Variants in ANKRD11 observed in about 807,000 individuals in gnomAD.
ANKRD11 encodes the protein ankyrin repeat domain 11.
ANKRD11 carries 17 observed loss-of-function variants against 195.7 expected under a neutral mutation model. The observed-to-expected ratio is 0.09, with a 90% CI of 0.06 to 0.13. ANKRD11 has a LOEUF of 0.13. ANKRD11 is among the 10% of genes least tolerant of loss of function. The pLI is 1.00. For missense variants in ANKRD11, 3,735 were observed against 3,566.1 expected, an observed-to-expected ratio of 1.05 and a Z score of -1.21; for synonymous variants, 1,953 against 1,528.1, an observed-to-expected ratio of 1.28 and a Z score of -6.49.
chr16:89,479,799 C>T (rs1250230820), intron 1 of ANKRD11, among the ~76,000 whole-genome samples: 5 of 151,242 alleles, frequency 3.3e-5, no homozygotes, highest in Non-Finnish European at 7.4e-5. Flanking sequence ...AAAAATTAGC[C>T]GGGGGTGGTG....
intron 6 of ANKRD11, 54 bp from the exon 7 acceptor site, chr16:89,288,724 G>A (rs1282677015): frequency 6.2e-7 from 1 of 1,612,884 alleles, no homozygotes; most frequent in South Asian, 1.1e-5. Context: ...CTTCCCTCCT[G>A]TCTCTGGAGG....
At chr16:89,472,902 A>C (rs1294865911) in intron 1 of ANKRD11, among the ~76,000 whole-genome samples, 2 of 152,336 alleles carry the variant, frequency 1.3e-5, no homozygotes, top group East Asian at 1.9e-4. Flanking sequence ...CAAGAGGCTC[A>C]CTGGGGGCCA....
intron 2 of ANKRD11, chr16:89,340,082 T>C (rs1341054077): frequency 1.3e-5 from 2 of 152,356 alleles, no homozygotes; most frequent in East Asian, 1.9e-4. Context: ...TTCCAACTTT[T>C]TGCGAATACA....
At chr16:89,438,094 G>T (rs190575195) in intron 1 of ANKRD11, among the ~76,000 whole-genome samples, 1 of 152,186 alleles carries the variant, frequency 6.6e-6, no homozygotes, top group Non-Finnish European at 1.5e-5. Flanking sequence ...GGAGGGCACC[G>T]CAAGCTTGGA....
Position 89,268,420 on chromosome 16 carries a change from G to T in ANKRD11, c.*58C>A, listed in dbSNP as rs776562670. The stretch of plus-strand genomic sequence containing the variant: ...CTCCCTCCTCCGCCCCTGGGGCTCA[G>T]CAGCAGTCCTGGGCAGCCGTGCGGC... On this transcript the variant is annotated 3_prime_UTR_variant, in exon 13 of 13. Coordinates refer to ENST00000301030, the MANE Select transcript of ANKRD11 (RefSeq NM_013275.6). The T allele has an allele frequency of 3.9e-6, 3 of 775,700 alleles. No individual in the cohort carries two copies. The African/African-American group carries it at 6.3e-5, about 16-fold the overall frequency. 48.1% of individuals were successfully genotyped at this position (775,700 alleles called of 1,614,324 possible). A position where few individuals can be genotyped will look rare whatever the true frequency, so the allele number is the denominator to read the frequency against.
chr16:89,480,348 G>C (rs1380827734), intron 1 of ANKRD11, among the ~76,000 whole-genome samples: 2 of 145,938 alleles, frequency 1.4e-5, no homozygotes, highest in Admixed American at 6.9e-5. Context: ...CTGGTGGTGG[G>C]TGCCTGTAGT....
At chr16:89,452,242 A>G (rs933278860) in intron 1 of ANKRD11, among the ~76,000 whole-genome samples, 1 of 152,034 alleles carries the variant, frequency 6.6e-6, no homozygotes, top group Admixed American at 6.6e-5. Context: ...TGGGCAACAG[A>G]GTGAGACTCT....
At chr16:89,397,355 G>A (rs565076896) in intron 2 of ANKRD11, among the ~76,000 whole-genome samples, 2 of 152,338 alleles carry the variant, frequency 1.3e-5, no homozygotes, top group East Asian at 1.9e-4. Context: ...TCAACTGGAT[G>A]CGCATTTACA....
In ANKRD11 at chr16:89,291,727, G is replaced by GA. The variant is rs1438326669; in HGVS notation, c.227-545dup. 2.3e-6 allele frequency: 3 copies of GA among 1,289,700 alleles called. No individual in the cohort carries two copies. The highest frequency in any genetic ancestry group is 3.0e-5 in the African/African-American group (2 of 65,836). The allele number at this position is 1,289,700 out of a possible 1,614,324, so 79.9% of individuals were successfully genotyped here. A position where few individuals can be genotyped will look rare whatever the true frequency, so the allele number is the denominator to read the frequency against. On this transcript the variant is annotated intron_variant, in intron 4 of 12. Coordinates refer to ENST00000301030, the MANE Select transcript of ANKRD11 (RefSeq NM_013275.6). This position sits in a 1 kb window ranked among gnomAD's most constrained non-coding sequence, Gnocchi z 5.3. ...CCTCCATCTCATGCCATGGTGCTTC[G>GA]AGGAGCGTACCAGCCTTGCAGCACC...
intron 2 of ANKRD11, among the ~76,000 whole-genome samples, chr16:89,391,227 C>CAA (rs35753411): frequency 2.2e-4 from 21 of 95,302 alleles, no homozygotes; most frequent in Non-Finnish European, 2.6e-4. Context: ...GACTCTGTCT[C>CAA]AAAAAAAAAA....
intron 2 of ANKRD11, among the ~76,000 whole-genome samples, chr16:89,396,697 T>C (rs1343040079): frequency 2.6e-5 from 4 of 152,150 alleles, no homozygotes; most frequent in African/African-American, 9.7e-5. Context: ...GTTGTTGCTG[T>C]TGTTTTTGGG....
In ANKRD11 at chr16:89,281,890, C is replaced by A; in HGVS notation, c.4652G>T (p.Gly1551Val). The A allele has an allele frequency of 6.2e-7, 1 of 1,613,842 alleles. No individual in the cohort carries two copies. Among genetic ancestry groups the A allele is most frequent in the East Asian group, 2.2e-5 (1 of 44,874 alleles). ...TTTGGATGGCGCTACCTTATCATTC[C>A]CGTTGCTCATCTTCACTGGGTCGCC... ...EKGDPVKMSN[G>V]NDKVAPSKDP... Residue 1551 changes from glycine to valine, a missense_variant, in exon 9 of 13, where the codon GGG (glycine) becomes GTG (valine). Gly to Val is a moderately radical substitution (Grantham distance 109). Coordinates refer to ENST00000301030, the MANE Select transcript of ANKRD11 (RefSeq NM_013275.6). This position sits in a 1 kb window ranked among gnomAD's most constrained non-coding sequence, Gnocchi z 5.5.
In ANKRD11 at chr16:89,281,066, G is replaced by T; in HGVS notation, c.5476C>A (p.Pro1826Thr). 1 of 1,607,468 alleles carries T rather than the reference G, an allele frequency of 6.2e-7. No homozygotes were observed. Among genetic ancestry groups the T allele is most frequent in the Non-Finnish European group, 8.5e-7 (1 of 1,175,354 alleles). ...GGCGCCCTGTCTTCCATCGAGGGTG[G>T]CATGGGAGAGTCGTAGCTGGAGGCA... ...PAASSYDSPM[P>T]PSMEDRAPLP... The change falls in exon 9 of 13, where the codon CCA (proline) becomes ACA (threonine). Residue 1826 changes from proline to threonine, a missense_variant. Physicochemically the swap from Pro to Thr is conservative, Grantham distance 38. Coordinates refer to ENST00000301030, the MANE Select transcript of ANKRD11 (RefSeq NM_013275.6). This position sits in a 1 kb window ranked among gnomAD's most constrained non-coding sequence, Gnocchi z 5.5.
At chr16:89,392,555 G>C (rs2041244523) in intron 2 of ANKRD11, 1 of 152,002 alleles carries the variant, frequency 6.6e-6, no homozygotes. Context: ...AGATGCTCCA[G>C]GGTCCATGCA....
chr16:89,272,597 G>C (rs1424898635), intron 11 of ANKRD11: 1 of 152,198 alleles, frequency 6.6e-6, no homozygotes, highest in Non-Finnish European at 1.5e-5. Context: ...AGCTACCCGG[G>C]AGGCAGTGGC....
intron 2 of ANKRD11, among the ~76,000 whole-genome samples, chr16:89,329,941 G>A (rs759615120): frequency 6.6e-6 from 1 of 151,714 alleles, no homozygotes; most frequent in Non-Finnish European, 1.5e-5. Flanking sequence ...CGTGAGCAGA[G>A]ATCACACCAC....
intron 2 of ANKRD11, chr16:89,324,352 G>C (rs1449466229): frequency 1.8e-6 from 2 of 1,081,982 alleles, no homozygotes; most frequent in Admixed American, 4.6e-5. Flanking sequence ...TCACAGAAGA[G>C]GGAAAAAGCC....
At chr16:89,335,006 G>C (rs1166679843) in intron 2 of ANKRD11, among the ~76,000 whole-genome samples, 1 of 152,134 alleles carries the variant, frequency 6.6e-6, no homozygotes, top group Non-Finnish European at 1.5e-5. Flanking sequence ...TGTGACATGA[G>C]CTCTATCGTA....
chr16:89,304,597 CG>C (rs2036061806), intron 4 of ANKRD11, among the ~76,000 whole-genome samples: 1 of 149,898 alleles, frequency 6.7e-6, no homozygotes, highest in Admixed American at 6.6e-5. Flanking sequence ...CATACACACA[CG>C]GGCACACACA....
Sources: allele counts gnomAD v4.1 joint callset (sites outside exome capture counted in the v4.1 genomes callset), GRCh38; gene constraint gnomAD v4.1.1; non-coding constraint Gnocchi (gnomAD v3.1); transcripts MANE v1.5; gene names NCBI Gene and HGNC (gene_info 2026-07-23, HGNC 2026-07-21).